Variants in CPNE4 observed in about 807,000 individuals in gnomAD.
CPNE4 encodes the protein copine-4.
In CPNE4, 25 loss-of-function variants were observed where a neutral mutation model predicts 67.9. The observed-to-expected ratio is 0.37, with a 90% CI of 0.27 to 0.51. CPNE4 has a LOEUF of 0.51. Among genes scored for constraint, CPNE4 ranks in the 20% least tolerant of loss-of-function variants. CPNE4 has a pLI of 0.93. For synonymous variants in CPNE4, 242 were observed against 244.9 expected (o/e 0.99, Z 0.11); for missense variants, 464 against 690.8 (o/e 0.67, Z 3.68).
intron 1 of CPNE4, among the ~76,000 whole-genome samples, chr3:132,033,719 A>C (rs990399085): frequency 6.6e-6 from 1 of 152,230 alleles, no homozygotes; most frequent in African/African-American, 2.4e-5. Flanking sequence ...CTCCAAGATG[A>C]AGGAGGAGCA....
At chr3:131,690,175 A>G (rs181342373) in intron 5 of CPNE4, among the ~76,000 whole-genome samples, 224 of 152,316 alleles carry the variant, frequency 1.5e-3, no homozygotes, top group African/African-American at 5.1e-3. Context: ...TTTTCACAGA[A>G]TTAGAAAAAG....
rs531890633 is a variant in CPNE4, at chr3:131,707,367, C to CT, written c.361-7388dup. 2.1e-3 allele frequency among the ~76,000 whole-genome samples: 322 copies of CT among 152,306 alleles called. 1 individual carries two copies. The highest frequency in any genetic ancestry group is 7.5e-3 in the African/African-American group (312 of 41,560). ...CATGTGGTCCTTTTCTCTTCTGTCT[C>CT]TCCTCTGTGTCGCTAGAATTGGGGC... On this transcript the variant is annotated intron_variant, in intron 3 of 15. Transcript: ENST00000429747.
chr3:131,860,646 G>GCCT (rs1583345724), intron 2 of CPNE4, among the ~76,000 whole-genome samples: 1 of 150,860 alleles, frequency 6.6e-6, no homozygotes, highest in Non-Finnish European at 1.5e-5. Flanking sequence ...GTCTAGGTTT[G>GCCT]GATTACATGA....
At chr3:131,566,461 A>G (rs1432662322) in intron 10 of CPNE4, among the ~76,000 whole-genome samples, 6 of 151,522 alleles carry the variant, frequency 4.0e-5, no homozygotes, top group Non-Finnish European at 8.8e-5. Flanking sequence ...ACCATAGGTG[A>G]GGCCCTTTTA....
chr3:131,725,132 G>C (rs2081973181), intron 2 of CPNE4, among the ~76,000 whole-genome samples: 1 of 152,170 alleles, frequency 6.6e-6, no homozygotes, highest in South Asian at 2.1e-4. Flanking sequence ...TATGAGTAAA[G>C]GAAAATAGTC....
At chr3:131,734,563 A>G (rs1284748314) in intron 2 of CPNE4, among the ~76,000 whole-genome samples, 1 of 152,130 alleles carries the variant, frequency 6.6e-6, no homozygotes, top group Non-Finnish European at 1.5e-5. Context: ...TTTTTAGTAG[A>G]GGAATATGGA....
chr3:131,945,172 T>C (rs1320546340), intron 1 of CPNE4, among the ~76,000 whole-genome samples: 4 of 146,640 alleles, frequency 2.7e-5, no homozygotes, highest in Admixed American at 1.4e-4. Context: ...GCTACTAATA[T>C]TAAGTCCACA....
At chr3:131,889,951 A>G (rs1402696768) in intron 2 of CPNE4, among the ~76,000 whole-genome samples, 2 of 152,210 alleles carry the variant, frequency 1.3e-5, no homozygotes, top group African/African-American at 4.8e-5. Context: ...ATAATGGATT[A>G]AAGACTTAAA....
At chr3:131,561,591 G>A (rs1368195413) in intron 11 of CPNE4, among the ~76,000 whole-genome samples, 1 of 151,948 alleles carries the variant, frequency 6.6e-6, no homozygotes, top group Non-Finnish European at 1.5e-5. Context: ...ATAATGACCT[G>A]GTAGCAATGA....
chr3:131,633,958 C>T (rs1158993961), intron 7 of CPNE4, among the ~76,000 whole-genome samples: 1 of 151,922 alleles, frequency 6.6e-6, no homozygotes, highest in Non-Finnish European at 1.5e-5. Context: ...CCTATGTTGG[C>T]CATTTCATTT....
chr3:131,723,693 C>A (rs2081940010), intron 2 of CPNE4, 68 bp from the exon 3 acceptor site: 1 of 1,372,098 alleles, frequency 7.3e-7, no homozygotes, highest in South Asian at 1.3e-5. Context: ...CAAGAAAATT[C>A]ATCTCAGAGC....
chr3:131,928,885 T>C (rs759320471), intron 1 of CPNE4, among the ~76,000 whole-genome samples: 1 of 152,190 alleles, frequency 6.6e-6, no homozygotes, highest in African/African-American at 2.4e-5. Context: ...TGCTTCTGCA[T>C]TGAAGCCTGG....
chr3:131,963,517 A>C (rs1005216903), intron 1 of CPNE4, among the ~76,000 whole-genome samples: 1 of 152,200 alleles, frequency 6.6e-6, no homozygotes, highest in African/African-American at 2.4e-5. Flanking sequence ...CCAGCAAAGC[A>C]GTCTGAAGTC....
chr3:131,870,218 A>G (rs1233254365), intron 2 of CPNE4, among the ~76,000 whole-genome samples: 2 of 152,156 alleles, frequency 1.3e-5, no homozygotes, highest in Non-Finnish European at 2.9e-5. Context: ...CAGGCAAAAC[A>G]CTTCCACTTA....
chr3:131,905,576 A>C, intron 1 of CPNE4, 132 bp from the exon 2 acceptor site: 92 of 766,298 alleles, frequency 1.2e-4, no homozygotes, highest in Middle Eastern at 3.9e-4. Flanking sequence ...TATTTATCTC[A>C]CTTTCCAACC....
At chr3:131,685,643 G>A (rs961611349) in intron 6 of CPNE4, among the ~76,000 whole-genome samples, 10 of 152,182 alleles carry the variant, frequency 6.6e-5, no homozygotes, top group South Asian at 4.2e-4. Flanking sequence ...TTAGCTCGGC[G>A]TGGTGGTGGG....
At chr3:131,546,473 T>C (rs1328740173) in intron 14 of CPNE4, among the ~76,000 whole-genome samples, 2 of 152,146 alleles carry the variant, frequency 1.3e-5, no homozygotes, top group Non-Finnish European at 2.9e-5. Context: ...CCAAAGATGT[T>C]CAAGTTTATG....
intron 1 of CPNE4, among the ~76,000 whole-genome samples, chr3:131,935,762 C>A (rs2071202161): frequency 6.6e-6 from 1 of 151,886 alleles, no homozygotes; most frequent in Non-Finnish European, 1.5e-5. Context: ...GGAGTTCAAC[C>A]AAACGTCAAT....
chr3:131,632,011 C>G (rs367946985), intron 7 of CPNE4, among the ~76,000 whole-genome samples: 2 of 150,484 alleles, frequency 1.3e-5, no homozygotes, highest in South Asian at 4.2e-4. Flanking sequence ...GGCTGAGGCA[C>G]GAGAATCGCT....
Sources: allele counts gnomAD v4.1 joint callset (sites outside exome capture counted in the v4.1 genomes callset), GRCh38; gene constraint gnomAD v4.1.1; transcripts MANE v1.5; gene names NCBI Gene and HGNC (gene_info 2026-07-23, HGNC 2026-07-21).